SETBP1: variants seen among roughly 807,000 people sequenced by gnomAD.
SETBP1 encodes the protein SET binding protein 1.
Under a neutral mutation model 101.0 loss-of-function variants are expected in SETBP1, and 9 were observed. The observed-to-expected ratio is 0.09, with a 90% confidence interval of 0.05 to 0.16. SETBP1 has a LOEUF of 0.16. Among genes scored for constraint, SETBP1 ranks in the 10% least tolerant of loss-of-function variants. The probability of loss-of-function intolerance (pLI) is 1.00; values close to 1 mark genes in which losing one functional copy is unlikely to be tolerated. For synonymous variants in SETBP1, 818 were observed against 788.5 expected (o/e 1.04, Z -0.63); for missense variants, 1,858 against 2,033.8 (o/e 0.91, Z 1.66).
intron 2 of SETBP1, among the ~76,000 whole-genome samples, chr18:44,850,782 C>T (rs1568180051): frequency 6.6e-6 from 1 of 152,248 alleles, no homozygotes; most frequent in South Asian, 2.1e-4. Flanking sequence ...CCAACTTCTC[C>T]TGCTTCCCAG....
intron 2 of SETBP1, among the ~76,000 whole-genome samples, chr18:44,729,061 G>A (rs566661142): frequency 6.6e-6 from 1 of 152,296 alleles, no homozygotes; most frequent in African/African-American, 2.4e-5. Context: ...TACAGATCAG[G>A]GAACTGAGGC....
intron 2 of SETBP1, among the ~76,000 whole-genome samples, chr18:44,817,038 G>A (rs143163554): frequency 3.4e-4 from 52 of 152,280 alleles, no homozygotes; most frequent in Middle Eastern, 3.4e-3. Context: ...TCTCCAAGCT[G>A]GTACGGTGCA....
chr18:44,777,986 A>G (rs1371917490), intron 2 of SETBP1, among the ~76,000 whole-genome samples: 2 of 152,216 alleles, frequency 1.3e-5, no homozygotes, highest in Non-Finnish European at 2.9e-5. Flanking sequence ...CTGGAATTTC[A>G]CTGACAGATT....
intron 2 of SETBP1, among the ~76,000 whole-genome samples, chr18:44,713,718 C>T (rs1214106012): frequency 6.6e-6 from 1 of 152,208 alleles, no homozygotes; most frequent in Non-Finnish European, 1.5e-5. Context: ...TCAAGGAAAC[C>T]TGCCAAACTA....
chr18:44,936,654 T>C (rs907876936), intron 3 of SETBP1, among the ~76,000 whole-genome samples: 1 of 152,156 alleles, frequency 6.6e-6, no homozygotes, highest in Admixed American at 6.5e-5. Context: ...TGCTCTCAGT[T>C]GCAGTGACCT....
At chr18:44,769,636 A>T (rs2144627336) in intron 2 of SETBP1, among the ~76,000 whole-genome samples, 1 of 152,308 alleles carries the variant, frequency 6.6e-6, no homozygotes, top group Middle Eastern at 3.4e-3. Flanking sequence ...GAGAATGGAG[A>T]GTAGAGAATT....
intron 2 of SETBP1, among the ~76,000 whole-genome samples, chr18:44,814,022 C>G (rs1243170088): frequency 6.6e-6 from 1 of 151,996 alleles, no homozygotes; most frequent in Non-Finnish European, 1.5e-5. Flanking sequence ...AGACGAGGGC[C>G]CTTGCCCTCC....
chr18:44,747,894 C>T (rs2070294179), intron 2 of SETBP1, among the ~76,000 whole-genome samples: 1 of 152,212 alleles, frequency 6.6e-6, no homozygotes, highest in South Asian at 2.1e-4. Flanking sequence ...AGGAGATCAG[C>T]TATCCCTAGA....
chr18:44,973,272 G>A (rs765678141), intron 4 of SETBP1, among the ~76,000 whole-genome samples: 2 of 152,084 alleles, frequency 1.3e-5, no homozygotes, highest in African/African-American at 2.4e-5. Context: ...TGCTGGATTC[G>A]GTTTGCCAAT....
chr18:44,897,129 A>G (rs1247402527), intron 3 of SETBP1, among the ~76,000 whole-genome samples: 2 of 152,098 alleles, frequency 1.3e-5, no homozygotes, highest in Admixed American at 6.5e-5. Flanking sequence ...TTAAGATTGC[A>G]TTTGCGCTCC....
chr18:44,756,080 G>A (rs2070487196), intron 2 of SETBP1, among the ~76,000 whole-genome samples: 1 of 151,986 alleles, frequency 6.6e-6, no homozygotes, highest in Admixed American at 6.6e-5. Flanking sequence ...AGCTGGCTGT[G>A]GTGGCACATG....
In SETBP1 at chr18:44,877,391, T is replaced by G. The variant is rs376947941; in HGVS notation, c.540+8108T>G. ...TTAACCAACACTGAGCTTTCCTAGT[T>G]TTAATAAAAGAGTAGGATTTGGACT... On this transcript the variant is annotated intron_variant, in intron 3 of 5. Coordinates refer to ENST00000649279, the MANE Select transcript of SETBP1 (RefSeq NM_015559.3). The G allele has an allele frequency of 4.0e-4, 395 of 980,598 alleles. 2 individuals carry two copies. Among genetic ancestry groups the G allele is most frequent in the Middle Eastern group, 5.3e-4 (1 of 1,898 alleles). The allele number at this position is 980,598 out of a possible 1,614,324, so 60.7% of individuals were successfully genotyped here. A position where few individuals can be genotyped will look rare whatever the true frequency, so the allele number is the denominator to read the frequency against.
In SETBP1 at chr18:44,787,831, G is replaced by A. The variant is rs1213190695; in HGVS notation, c.487-81399G>A. On this transcript the variant is annotated intron_variant, in intron 2 of 5. Transcript: ENST00000649279. ...ATTGCGCCACTGCAGTCCGCAGTCC[G>A]GCCTGGGCGACAGAGCGAGAGTCCG... Among the ~76,000 whole-genome samples, 5 of 88,436 alleles carry A rather than the reference G, an allele frequency of 5.7e-5. No homozygotes were observed. The East Asian group carries it at 9.3e-4, about 16-fold the overall frequency. The allele number at this position is 88,436 out of a possible 152,430, so 58.0% of individuals were successfully genotyped here. A position where few individuals can be genotyped will look rare whatever the true frequency, so the allele number is the denominator to read the frequency against.
intron 4 of SETBP1, among the ~76,000 whole-genome samples, chr18:45,020,428 C>CA (rs1317726084): frequency 6.6e-6 from 1 of 152,040 alleles, no homozygotes; most frequent in Admixed American, 6.6e-5. Context: ...TTTCCATGCC[C>CA]AAAACCCATT....
intron 3 of SETBP1, chr18:44,871,632 T>C (rs974026506): frequency 1.3e-5 from 2 of 152,212 alleles, no homozygotes; most frequent in African/African-American, 4.8e-5. Flanking sequence ...AGTGACTGTA[T>C]TGAGCTGGCT....
chr18:44,876,453 C>T (rs999652998), intron 3 of SETBP1: 2 of 726,508 alleles, frequency 2.8e-6, no homozygotes, highest in Non-Finnish European at 4.5e-6. Flanking sequence ...TTGAAAAATA[C>T]AGGAATCCAG....
chr18:44,711,505 CT>C lies in SETBP1; in HGVS notation c.486+9676del, dbSNP rs548075185. 2.0e-5 allele frequency among the ~76,000 whole-genome samples: 3 copies of C among 146,566 alleles called. No homozygotes were observed. In the East Asian group the frequency reaches 6.0e-4, roughly 30 times the overall value. On this transcript the variant is annotated intron_variant, in intron 2 of 5. Coordinates refer to ENST00000649279, the MANE Select transcript of SETBP1 (RefSeq NM_015559.3). ...CCTCCCTCCCTCCTTCCCTCTCTCC[CT>C]TTCTTTCTTTCTTTGTTGCTTTTTT...
intron 4 of SETBP1, among the ~76,000 whole-genome samples, chr18:45,027,803 T>C (rs893908489): frequency 2.0e-5 from 3 of 152,166 alleles, no homozygotes; most frequent in Non-Finnish European, 4.4e-5. Flanking sequence ...TCTTTCAGTA[T>C]TGGAGGACAG....
intron 4 of SETBP1, among the ~76,000 whole-genome samples, chr18:45,035,349 C>T (rs965055799): frequency 1.3e-5 from 2 of 152,140 alleles, no homozygotes; most frequent in African/African-American, 2.4e-5. Flanking sequence ...GTACTATAAT[C>T]TAGAAAATTC....
Sources: gnomAD v4.1 joint callset for allele counts (sites outside exome capture counted in the v4.1 genomes callset) on GRCh38, gnomAD v4.1.1 for gene constraint, MANE v1.5 for transcripts, NCBI Gene and HGNC (gene_info 2026-07-23, HGNC 2026-07-21) for gene names.